Variants in TCF7 observed in about 807,000 individuals in gnomAD.
TCF7 encodes transcription factor 7.
Under a neutral mutation model 46.8 loss-of-function variants are expected in TCF7, and 19 were observed. The observed-to-expected ratio is 0.41, with a 90% CI of 0.28 to 0.60. The LOEUF (loss-of-function observed/expected upper bound fraction) is 0.60, where lower values mean the gene tolerates loss of function less well. TCF7 is among the 20% of genes least tolerant of loss of function. The pLI, the probability that TCF7 is intolerant of heterozygous loss-of-function variation, is 0.35. For synonymous variants in TCF7, 245 were observed against 213.4 expected, an observed-to-expected ratio of 1.15 and a Z score of -1.29; for missense variants, 547 against 504.6, an observed-to-expected ratio of 1.08 and a Z score of -0.81.
chr5:134,141,960 A>C, intron 5 of TCF7: 1 of 493,178 alleles, frequency 2.0e-6, no homozygotes, highest in Non-Finnish European at 3.4e-6. Flanking sequence ...CTATGTAGTA[A>C]CCATCTGAAT....
upstream of TCF7, among the ~76,000 whole-genome samples, chr5:134,111,896 G>A (rs1304803139): frequency 6.6e-6 from 1 of 152,188 alleles, no homozygotes; most frequent in East Asian, 1.9e-4. Context: ...ATCTCTCTGA[G>A]CTTCAGTTTC....
At position 134,138,056 on chromosome 5, in the gene TCF7, C is replaced by T. The variant is rs557713669; in HGVS notation, c.442-3C>T. 6.3e-6 allele frequency: 10 copies of T among 1,589,364 alleles called. No individual in the cohort carries two copies. The highest frequency in any genetic ancestry group is 5.7e-5 in the South Asian group (5 of 88,134). On this transcript the variant is annotated splice_polypyrimidine_tract_variant and splice_region_variant and intron_variant, in intron 3 of 9. Coordinates refer to ENST00000342854, the MANE Select transcript of TCF7 (RefSeq NM_003202.5). ...CTCACCCACCCTCCTTCTCATTTTT[C>T]AGCACAAGGCCAATCAGCCCCCCCA...
intron 3 of TCF7, among the ~76,000 whole-genome samples, chr5:134,121,311 C>A (rs1485670017): frequency 6.6e-6 from 1 of 151,560 alleles, no homozygotes; most frequent in South Asian, 2.1e-4. Context: ...TGGCTGGGTG[C>A]GGTGGCTCAT....
upstream of TCF7, among the ~76,000 whole-genome samples, chr5:134,113,899 C>G (rs973092100): frequency 1.3e-5 from 2 of 152,182 alleles, no homozygotes; most frequent in Admixed American, 6.5e-5. Context: ...TGTCGGAATC[C>G]CGCGCCCACG....
Position 134,120,815 on chromosome 5 carries a change from C to T in TCF7, c.441+4782C>T, listed in dbSNP as rs1478439912. On this transcript the variant is annotated intron_variant, in intron 3 of 9. Coordinates refer to ENST00000342854, the MANE Select transcript of TCF7 (RefSeq NM_003202.5). ...CACCATGCTTAACCCTAAGAAAGGCCGGCTGTTCGTTTCCTCCTCTGCACA... is the reference window on the plus strand; with the variant it reads ...CACCATGCTTAACCCTAAGAAAGGCTGGCTGTTCGTTTCCTCCTCTGCACA... 2.6e-4 allele frequency among the ~76,000 whole-genome samples: 39 copies of T among 152,240 alleles called. 1 individual carries two copies. Among genetic ancestry groups the T allele is most frequent in the Non-Finnish European group, 2.9e-5 (2 of 68,046 alleles).
chr5:134,134,046 C>T lies in TCF7; in HGVS notation c.442-4013C>T, dbSNP rs374621623. Among the ~76,000 whole-genome samples the T allele has an allele frequency of 9.2e-5, 14 of 152,340 alleles. No individual in the cohort carries two copies. In the East Asian group the frequency reaches 2.3e-3, roughly 25 times the overall value. Reference sequence around the variant, plus strand: ...GAGGGTCAGCTCTGGCCTCCCCACTCCTGGCAGGAGGGCTCTCCATGGCTT... The same window carrying T: ...GAGGGTCAGCTCTGGCCTCCCCACTTCTGGCAGGAGGGCTCTCCATGGCTT... On this transcript the variant is annotated intron_variant, in intron 3 of 9. Transcript: ENST00000342854.
At position 134,138,135 on chromosome 5, in the gene TCF7, C is replaced by T. The variant is rs1397136196; in HGVS notation, c.518C>T (p.Pro173Leu). 3.1e-6 allele frequency: 5 copies of T among 1,613,766 alleles called. No homozygotes were observed. Among genetic ancestry groups the T allele is most frequent in the Middle Eastern group, 3.3e-4 (2 of 6,056 alleles). The change falls in exon 4 of 10, where the codon CCT (proline) becomes CTT (leucine). Residue 173 changes from proline to leucine, a missense_variant. Transcript: ENST00000342854. Reference sequence around the variant, plus strand: ...CATTTCAACAGCCCACATCCCACCCCTGCACCTGCGGACATCAGCCAGAAG... The same window carrying T: ...CATTTCAACAGCCCACATCCCACCCTTGCACCTGCGGACATCAGCCAGAAG... ...YEHFNSPHPT[P>L]APADISQKQV...
chr5:134,137,425 C>CAAA (rs752883165), intron 3 of TCF7, among the ~76,000 whole-genome samples: 54 of 56,376 alleles, frequency 9.6e-4, no homozygotes, highest in African/African-American at 1.5e-3. Flanking sequence ...GACTCTGTCT[C>CAAA]AAAAAAAAAA....
intron 4 of TCF7, chr5:134,138,724 C>G (rs1759276513): frequency 1.7e-6 from 1 of 583,502 alleles, no homozygotes; most frequent in Admixed American, 3.1e-5. Flanking sequence ...TACTGGCCCC[C>G]TAATGTCTTA....
intron 3 of TCF7, among the ~76,000 whole-genome samples, chr5:134,136,161 G>A (rs1280306803): frequency 3.9e-5 from 6 of 152,140 alleles, no homozygotes. Flanking sequence ...GGTGGTAGCT[G>A]GGGGAGGATT....
At position 134,114,805 on chromosome 5, in the gene TCF7, G is replaced by A. The variant is rs1235868320; in HGVS notation, c.-102G>A. ...GCCCGCGCTCCGCCCGCCGCGATCC[G>A]AGCTCGGAGGTTCGGACTCCGGGCT... is the stretch of plus-strand genomic sequence containing the variant. On this transcript the variant is annotated 5_prime_UTR_variant, in exon 1 of 10. Coordinates refer to ENST00000342854, the MANE Select transcript of TCF7 (RefSeq NM_003202.5). 7.2e-6 allele frequency: 7 copies of A among 970,136 alleles called. No homozygotes were observed. The South Asian group carries it at 1.4e-4, about 20-fold the overall frequency. 60.1% of individuals were successfully genotyped at this position (970,136 alleles called of 1,614,324 possible). A position where few individuals can be genotyped will look rare whatever the true frequency, so the allele number is the denominator to read the frequency against.
the TCF7 span, among the ~76,000 whole-genome samples, chr5:134,108,922 C>T: frequency 3.7e-4 from 56 of 152,260 alleles, 1 homozygote; most frequent in Middle Eastern, 3.4e-3. Flanking sequence ...CCTAGGCTGA[C>T]CTAGGACCTC....
chr5:134,145,899 T>A, intron 9 of TCF7: 1 of 1,553,290 alleles, frequency 6.4e-7, no homozygotes, highest in Non-Finnish European at 8.7e-7. Flanking sequence ...CACAAACACA[T>A]CTGGAGAAGC....
upstream of TCF7, among the ~76,000 whole-genome samples, chr5:134,114,226 C>G (rs775775531): frequency 6.6e-6 from 1 of 152,172 alleles, no homozygotes; most frequent in Non-Finnish European, 1.5e-5. Flanking sequence ...CCGCGGAGTT[C>G]CAACGCTGCC....
At chr5:134,129,203 C>T (rs1004480533) in intron 3 of TCF7, among the ~76,000 whole-genome samples, 5 of 152,210 alleles carry the variant, frequency 3.3e-5, no homozygotes, top group Admixed American at 6.5e-5. Context: ...GGTGGGATTC[C>T]GGCAGGGGTG....
At chr5:134,121,323 C>T (rs1487402774) in intron 3 of TCF7, among the ~76,000 whole-genome samples, 1 of 151,778 alleles carries the variant, frequency 6.6e-6, no homozygotes, top group Non-Finnish European at 1.5e-5. Flanking sequence ...GTGGCTCATG[C>T]CTGTAATCCC....
intron 3 of TCF7, among the ~76,000 whole-genome samples, chr5:134,118,055 CAG>C (rs1331396499): frequency 2.6e-5 from 4 of 152,226 alleles, no homozygotes; most frequent in African/African-American, 9.6e-5. Flanking sequence ...CATAGCAAGT[CAG>C]AGCATTTGCT....
intron 3 of TCF7, among the ~76,000 whole-genome samples, chr5:134,124,599 A>T (rs1010943115): frequency 1.3e-5 from 2 of 151,954 alleles, no homozygotes; most frequent in Admixed American, 6.6e-5. Context: ...CGCAGCCCCA[A>T]CTCCATAGCT....
At chr5:134,145,163 A>C (rs1023704648) in intron 9 of TCF7, 21 of 621,774 alleles carry the variant, frequency 3.4e-5, no homozygotes, top group Non-Finnish European at 5.8e-5. Context: ...GGTCCTCAGC[A>C]AACAGACAGC....
Sources: allele counts gnomAD v4.1 joint callset (sites outside exome capture counted in the v4.1 genomes callset), GRCh38; gene constraint gnomAD v4.1.1; transcripts MANE v1.5; gene names NCBI Gene and HGNC (gene_info 2026-07-23, HGNC 2026-07-21).